The following KIF26B variants were observed in gnomAD, a reference collection of about 807,000 sequenced individuals.
KIF26B encodes kinesin family member 26B, also known as kinesin-like protein KIF26B.
KIF26B carries 63 observed loss-of-function variants against 151.2 expected under a neutral mutation model. The ratio of observed to expected loss-of-function variants is 0.42; its 90% CI spans 0.34 to 0.51. KIF26B has a LOEUF of 0.51. KIF26B is among the 20% of genes least tolerant of loss of function. The pLI is 0.07. For missense variants in KIF26B, 2,813 were observed against 2,913.6 expected, an observed-to-expected ratio of 0.97 and a Z score of 0.79; for synonymous variants, 1,357 against 1,262.1, an observed-to-expected ratio of 1.08 and a Z score of -1.59.
chr1:245,686,103 C>A lies in KIF26B; in HGVS notation c.3120C>A (p.Ser1040Arg). The change falls in exon 12 of 15, where the codon AGC becomes AGA. Residue 1040 changes from serine (S) to arginine (R), a missense_variant. By Grantham distance (110) the Ser-to-Arg change is moderately radical (BLOSUM62 -1). Around this residue, in one of 3 missense-constraint regions of KIF26B, gnomAD observed 2,060 missense variants for 2,088.6 expected, o/e 0.99. Coordinates refer to ENST00000407071, the MANE Select transcript of KIF26B (RefSeq NM_018012.4). The surrounding 1 kb of genome is among the most constrained non-coding windows in gnomAD (Gnocchi z 5.6). Reference sequence around the variant, plus strand: ...ACAGCGCCTCCCCACTCGTGCAGAGCCCCAGCCTCCAGAGCAGCCGGGAGA... The same window carrying A: ...ACAGCGCCTCCCCACTCGTGCAGAGACCCAGCCTCCAGAGCAGCCGGGAGA... ...SQHSASPLVQ[S>R]PSLQSSRESL... The A allele has an allele frequency of 6.2e-7, 1 of 1,607,974 alleles. No homozygotes were observed. The highest frequency in any genetic ancestry group is 8.5e-7 in the Non-Finnish European group (1 of 1,177,734).
intron 4 of KIF26B, among the ~76,000 whole-genome samples, chr1:245,450,884 G>C (rs1469172883): frequency 6.6e-6 from 1 of 152,142 alleles, no homozygotes; most frequent in Non-Finnish European, 1.5e-5. Context: ...GAATTTTTAA[G>C]ATATTTTAAG....
At chr1:245,514,083 G>C (rs1008813955) in intron 4 of KIF26B, among the ~76,000 whole-genome samples, 2 of 152,158 alleles carry the variant, frequency 1.3e-5, no homozygotes, top group African/African-American at 2.4e-5. Flanking sequence ...GCTGCTAAGA[G>C]AGTAGATTGT....
In KIF26B at chr1:245,170,513, A is replaced by C. The variant is rs1227444682; in HGVS notation, c.465+13830A>C. 6.6e-6 allele frequency among the ~76,000 whole-genome samples: 1 copy of C among 152,214 alleles called. No individual in the cohort carries two copies. Among genetic ancestry groups the C allele is most frequent in the African/African-American group, 2.4e-5 (1 of 41,462 alleles). ...AGCCAATTCATGCTGCTATAACAAA[A>C]TACCACGAACTGGGTGGCTTATAAA... On this transcript the variant is annotated intron_variant, in intron 2 of 14. Transcript: ENST00000407071. This position sits in a 1 kb window ranked among gnomAD's most constrained non-coding sequence, Gnocchi z 4.4.
intron 5 of KIF26B, among the ~76,000 whole-genome samples, chr1:245,583,099 A>G (rs992452901): frequency 6.6e-6 from 1 of 151,980 alleles, no homozygotes; most frequent in South Asian, 2.1e-4. Flanking sequence ...AACATTTCCA[A>G]CCTTCGATCT....
At chr1:245,168,230 T>G (rs1405874038) in intron 2 of KIF26B, among the ~76,000 whole-genome samples, 1 of 152,188 alleles carries the variant, frequency 6.6e-6, no homozygotes, top group African/African-American at 2.4e-5. Flanking sequence ...AGCTGTTCTG[T>G]GGGCTGCCAT....
chr1:245,250,307 A>G (rs1332446202), intron 2 of KIF26B, among the ~76,000 whole-genome samples: 1 of 152,216 alleles, frequency 6.6e-6, no homozygotes, highest in Non-Finnish European at 1.5e-5. Flanking sequence ...ATTATTTAAT[A>G]TGGTAAGATG....
chr1:245,173,856 G>A (rs1028726860), intron 2 of KIF26B, among the ~76,000 whole-genome samples: 4 of 152,228 alleles, frequency 2.6e-5, no homozygotes, highest in Admixed American at 6.5e-5. Flanking sequence ...TGCATTTGCC[G>A]TGGTACGACG....
At chr1:245,582,668 G>C (rs1378424061) in intron 5 of KIF26B, among the ~76,000 whole-genome samples, 2 of 152,174 alleles carry the variant, frequency 1.3e-5, no homozygotes, top group African/African-American at 2.4e-5. Context: ...GCAGACAATT[G>C]TGGTAGAAAA....
At chr1:245,590,335 G>A (rs576321592) in intron 5 of KIF26B, among the ~76,000 whole-genome samples, 2 of 152,322 alleles carry the variant, frequency 1.3e-5, no homozygotes, top group South Asian at 2.1e-4. Flanking sequence ...GGCCAACGCG[G>A]AAATGGGCCC....
At chr1:245,499,425 G>A (rs1252864874) in intron 4 of KIF26B, among the ~76,000 whole-genome samples, 1 of 152,190 alleles carries the variant, frequency 6.6e-6, no homozygotes, top group South Asian at 2.1e-4. Context: ...GAATAAGGGT[G>A]GAGTCCCTAA....
intron 4 of KIF26B, among the ~76,000 whole-genome samples, chr1:245,537,001 C>G (rs552872294): frequency 6.6e-6 from 1 of 152,098 alleles, no homozygotes; most frequent in African/African-American, 2.4e-5. Context: ...TGCTTGGGTT[C>G]AAGAAGGAAC....
chr1:245,464,071 C>T (rs1659710790), intron 4 of KIF26B, among the ~76,000 whole-genome samples: 1 of 152,192 alleles, frequency 6.6e-6, no homozygotes, highest in South Asian at 2.1e-4. Context: ...CCTTTCTAGT[C>T]TTTCTTCAAA....
intron 4 of KIF26B, among the ~76,000 whole-genome samples, chr1:245,467,604 A>G (rs1659823403): frequency 6.6e-6 from 1 of 152,122 alleles, no homozygotes; most frequent in African/African-American, 2.4e-5. Context: ...TGGTTTAAAC[A>G]TGGTTGGAGG....
chr1:245,200,044 C>T (rs747459865), intron 2 of KIF26B, among the ~76,000 whole-genome samples: 7 of 152,180 alleles, frequency 4.6e-5, no homozygotes, highest in African/African-American at 1.2e-4. Context: ...TATCATTGTG[C>T]GATGGGATTT....
intron 2 of KIF26B, among the ~76,000 whole-genome samples, chr1:245,226,470 G>GT (rs1057174221): frequency 8.2e-5 from 12 of 146,378 alleles, no homozygotes; most frequent in East Asian, 2.0e-4. Flanking sequence ...TTTTTTTTTT[G>GT]TTTTTTTGTA....
rs370477204 is a variant in KIF26B, at chr1:245,687,210, C to A, written c.4227C>A (p.Ala1409=). ...MSPRNIQEPE[A]PTATPKAGPT... is the part of the protein sequence containing the mutation. ...CCCGGAACATCCAAGAGCCGGAGGC[C>A]CCCACCGCCACCCCCAAAGCAGGCC... The change falls in exon 12 of 15, where the codon GCC becomes GCA. Residue 1409 remains alanine (A), a synonymous_variant. Transcript: ENST00000407071. This position sits in a 1 kb window ranked among gnomAD's most constrained non-coding sequence, Gnocchi z 4.9. 77 of 1,612,900 alleles carry A rather than the reference C, an allele frequency of 4.8e-5. No individual in the cohort carries two copies. The African/African-American group carries it at 8.5e-4, about 18-fold the overall frequency.
In KIF26B at chr1:245,615,955, C is replaced by T. The variant is rs1771521; in HGVS notation, c.2098+3979C>T. 9.9e-3 allele frequency among the ~76,000 whole-genome samples: 1,503 copies of T among 152,274 alleles called. 25 individuals are homozygous for T. Among genetic ancestry groups the T allele is most frequent in the African/African-American group, 0.034 (1,416 of 41,554 alleles). ...ATCCCTGCGGACCTGGCAGCCAGAA[C>T]TCAATTAGGGGAAAGTTTATTAATT... On this transcript the variant is annotated intron_variant, in intron 9 of 14. Coordinates refer to ENST00000407071, the MANE Select transcript of KIF26B (RefSeq NM_018012.4).
Position 245,687,845 on chromosome 1 carries a change from G to GCGGCAC in KIF26B, c.4864_4869dup (p.Gly1622_Thr1623dup). 1 of 1,593,942 alleles carries GCGGCAC rather than the reference G, an allele frequency of 6.3e-7. No individual in the cohort carries two copies. Among genetic ancestry groups the GCGGCAC allele is most frequent in the Non-Finnish European group, 8.5e-7 (1 of 1,171,320 alleles). On this transcript the variant is annotated inframe_insertion, in exon 12 of 15. Transcript: ENST00000407071. The surrounding 1 kb of genome is among the most constrained non-coding windows in gnomAD (Gnocchi z 4.9). ...AGCCCTCAGCACAGTGCCAGCGGCA[G>GCGGCAC]CGGCACCAGCAGCCCCCTGAACCAA...
rs141415780 is a variant in KIF26B, at chr1:245,644,842, G to A, written c.2099-1279G>A. Among the ~76,000 whole-genome samples the A allele has an allele frequency of 2.0e-5, 3 of 152,304 alleles. No individual in the cohort carries two copies. The East Asian group carries it at 5.8e-4, about 29-fold the overall frequency. The stretch of plus-strand genomic sequence containing the variant: ...TAGTCCCTTTTGCATTGCTGTAAAA[G>A]ACACCTGAGGCTGGGTGATTTATAA... On this transcript the variant is annotated intron_variant, in intron 9 of 14. Coordinates refer to ENST00000407071, the MANE Select transcript of KIF26B (RefSeq NM_018012.4).
Sources: gnomAD v4.1 joint callset for allele counts (sites outside exome capture counted in the v4.1 genomes callset) on GRCh38, gnomAD v4.1.1 for gene constraint, gnomAD v4.1.1 regional missense constraint, Gnocchi (gnomAD v3.1) non-coding constraint, MANE v1.5 for transcripts, NCBI Gene and HGNC (gene_info 2026-07-23, HGNC 2026-07-21) for gene names.